The following GNAI3 variants were observed in gnomAD, a reference collection of about 807,000 sequenced individuals.
The protein encoded by GNAI3 is G protein subunit alpha i3.
In GNAI3, 12 loss-of-function variants were observed where a neutral mutation model predicts 41.8. The ratio of observed to expected loss-of-function variants is 0.29; its 90% CI spans 0.18 to 0.47. The LOEUF is 0.47. GNAI3 is among the 20% of genes least tolerant of loss of function. GNAI3 has a pLI of 1.00. For synonymous variants in GNAI3, 132 were observed against 146.5 expected (o/e 0.90, Z 0.71); for missense variants, 360 against 429.6 (o/e 0.84, Z 1.43).
chr1:109,565,250 CAAAAAA>C (rs527332111), intron 1 of GNAI3, among the ~76,000 whole-genome samples: 1 of 81,260 alleles, frequency 1.2e-5, no homozygotes, highest in African/African-American at 3.9e-5. Flanking sequence ...GACTCCGTCT[CAAAAAA>C]AAAAAAAAAA....
chr1:109,583,538 G>A (rs1648949735), intron 5 of GNAI3, among the ~76,000 whole-genome samples: 1 of 151,494 alleles, frequency 6.6e-6, no homozygotes, highest in African/African-American at 2.4e-5. Context: ...TTTAGAGAGA[G>A]AAAATTCTAG....
At chr1:109,587,988 T>A (rs373476208) in intron 7 of GNAI3, among the ~76,000 whole-genome samples, 1 of 152,216 alleles carries the variant, frequency 6.6e-6, no homozygotes, top group Non-Finnish European at 1.5e-5. Context: ...CTCTCCTCTC[T>A]GTGTATCTTT....
At chr1:109,564,545 T>G (rs556095476) in intron 1 of GNAI3, among the ~76,000 whole-genome samples, 1 of 152,206 alleles carries the variant, frequency 6.6e-6, no homozygotes, top group Non-Finnish European at 1.5e-5. Context: ...TTGTTGTGCA[T>G]GAAGCTCTAT....
intron 3 of GNAI3, among the ~76,000 whole-genome samples, chr1:109,576,594 C>T (rs1648748758): frequency 6.6e-6 from 1 of 151,958 alleles, no homozygotes; most frequent in African/African-American, 2.4e-5. Flanking sequence ...CCTTGGCTCA[C>T]CGCAACCTCT....
chr1:109,586,439 C>T, intron 6 of GNAI3, 94 bp downstream of exon 6: 1 of 1,250,590 alleles, frequency 8.0e-7, no homozygotes, highest in Middle Eastern at 2.6e-4. Context: ...TTTCCTCATT[C>T]AACCAAAACT....
In GNAI3 at chr1:109,597,926, T is replaced by TA. The variant is rs1055417028; in HGVS notation, c.*5608dup. ...ATAAGGGGAATGATTGAGTCACATG[T>TA]AAAAGCCTTTGTATGCCCAGTGCTA... On this transcript the variant is annotated 3_prime_UTR_variant, in exon 9 of 9. Transcript: ENST00000369851. 3.9e-5 allele frequency: 6 copies of TA among 152,222 alleles called. No individual in the cohort carries two copies. The highest frequency in any genetic ancestry group is 8.8e-5 in the Non-Finnish European group (6 of 68,032). The allele number at this position is 152,222 out of a possible 1,614,324, so 9.4% of individuals were successfully genotyped here. A position where few individuals can be genotyped will look rare whatever the true frequency, so the allele number is the denominator to read the frequency against.
intron 1 of GNAI3, among the ~76,000 whole-genome samples, chr1:109,560,078 A>G (rs1354728231): frequency 6.6e-6 from 1 of 152,218 alleles, no homozygotes; most frequent in Non-Finnish European, 1.5e-5. Context: ...AAGTTTCAGG[A>G]AGAGCTAGTC....
In GNAI3 at chr1:109,597,736, A is replaced by C. The variant is rs1649343008; in HGVS notation, c.*5414A>C. ...TCATTTCATTTATTTTACTGCATTT[A>C]TTTATGCAGTGAAAATTGAAAGATA... On this transcript the variant is annotated 3_prime_UTR_variant, in exon 9 of 9. Transcript: ENST00000369851. 1 of 152,202 alleles carries C rather than the reference A, an allele frequency of 6.6e-6. No individual in the cohort carries two copies. Among genetic ancestry groups the C allele is most frequent in the African/African-American group, 2.4e-5 (1 of 41,456 alleles). 9.4% of individuals were successfully genotyped at this position (152,202 alleles called of 1,614,324 possible). A position where few individuals can be genotyped will look rare whatever the true frequency, so the allele number is the denominator to read the frequency against.
chr1:109,586,637 A>T, intron 6 of GNAI3, 92 bp from the exon 7 acceptor site: 1 of 871,938 alleles, frequency 1.1e-6, no homozygotes. Context: ...AATGCCATTT[A>T]GTGCTGCAAA....
intron 4 of GNAI3, 101 bp from the exon 5 acceptor site, chr1:109,582,336 A>G (rs923305475): frequency 1.2e-6 from 1 of 808,914 alleles, no homozygotes; most frequent in Non-Finnish European, 2.0e-6. Context: ...TTGCCACTTA[A>G]TAACTAGTAA....
At chr1:109,555,959 C>CCTGCGT (rs1648129379) in intron 1 of GNAI3, among the ~76,000 whole-genome samples, 1 of 96,786 alleles carries the variant, frequency 1.0e-5, no homozygotes, top group Non-Finnish European at 2.1e-5. Context: ...GGAGTGCGTG[C>CCTGCGT]GTGCGTGTGT....
At chr1:109,588,361 G>C (rs1022466387) in intron 7 of GNAI3, among the ~76,000 whole-genome samples, 8 of 145,222 alleles carry the variant, frequency 5.5e-5, no homozygotes, top group Non-Finnish European at 1.0e-4. Context: ...CAGCCTGGGC[G>C]ACTGAGCAAA....
intron 1 of GNAI3, among the ~76,000 whole-genome samples, chr1:109,553,292 T>C (rs566857156): frequency 9.2e-5 from 14 of 152,286 alleles, no homozygotes; most frequent in Admixed American, 7.8e-4. Context: ...AATTATCTGC[T>C]CTCTGTATTT....
intron 5 of GNAI3, among the ~76,000 whole-genome samples, chr1:109,585,381 CAT>C (rs1649009649): frequency 6.6e-6 from 1 of 152,124 alleles, no homozygotes; most frequent in African/African-American, 2.4e-5. Context: ...TGGAGTGTAA[CAT>C]AAAGTTTGTG....
At position 109,594,990 on chromosome 1, in the gene GNAI3, C is replaced by G. The variant is rs1190601541; in HGVS notation, c.*2668C>G. On this transcript the variant is annotated 3_prime_UTR_variant, in exon 9 of 9. Transcript: ENST00000369851. ...CTGATTACCAGCCAGGCTTGCAAATCACTGGTTTGTATTGAAATAAAAGAT... is the reference window on the plus strand; with the variant it reads ...CTGATTACCAGCCAGGCTTGCAAATGACTGGTTTGTATTGAAATAAAAGAT... 6.6e-6 allele frequency: 1 copy of G among 152,116 alleles called. No homozygotes were observed. The highest frequency in any genetic ancestry group is 1.5e-5 in the Non-Finnish European group (1 of 68,038). 9.4% of individuals were successfully genotyped at this position (152,116 alleles called of 1,614,324 possible).
At chr1:109,574,103 T>A in intron 3 of GNAI3, 66 bp downstream of exon 3, 2 of 1,234,972 alleles carry the variant, frequency 1.6e-6, no homozygotes, top group Non-Finnish European at 2.3e-6. Flanking sequence ...TAAGCAAAAT[T>A]TTTGCTTCAT....
intron 4 of GNAI3, among the ~76,000 whole-genome samples, chr1:109,581,293 C>T (rs1290836170): frequency 6.6e-6 from 1 of 151,228 alleles, no homozygotes; most frequent in Non-Finnish European, 1.5e-5. Flanking sequence ...AAAAAAAAAC[C>T]CCAGACCTCC....
intron 3 of GNAI3, among the ~76,000 whole-genome samples, chr1:109,574,773 C>T (rs1275736881): frequency 6.6e-6 from 1 of 152,010 alleles, no homozygotes; most frequent in Non-Finnish European, 1.5e-5. Context: ...GAATTATTTC[C>T]TACATCTAAG....
At chr1:109,549,530 T>G (rs74113939) in intron 1 of GNAI3, among the ~76,000 whole-genome samples, 2,043 of 152,336 alleles carry the variant, frequency 0.013, 62 homozygotes, top group African/African-American at 0.046. Context: ...TCTTCTTCTG[T>G]TTTTACAAAA....
Sources: gnomAD v4.1 joint callset for allele counts (sites outside exome capture counted in the v4.1 genomes callset) on GRCh38, gnomAD v4.1.1 for gene constraint, MANE v1.5 for transcripts, NCBI Gene and HGNC (gene_info 2026-07-23, HGNC 2026-07-21) for gene names.